The following CKAP5 variants were observed in gnomAD, a reference collection of about 807,000 sequenced individuals.
CKAP5 encodes the protein cytoskeleton-associated protein 5.
Under a neutral mutation model 232.8 loss-of-function variants are expected in CKAP5, and 27 were observed. The ratio of observed to expected loss-of-function variants is 0.12; its 90% CI spans 0.09 to 0.16. CKAP5 has a LOEUF of 0.16. Among genes scored for constraint, CKAP5 ranks in the 10% least tolerant of loss-of-function variants. CKAP5 has a pLI of 1.00. For missense variants in CKAP5, 1,838 were observed against 2,424.7 expected (o/e 0.76, Z 5.08); for synonymous variants, 785 against 841.1 (o/e 0.93, Z 1.16).
At chr11:46,787,902 T>C (rs1253754636) in intron 16 of CKAP5, among the ~76,000 whole-genome samples, 1 of 152,164 alleles carries the variant, frequency 6.6e-6, no homozygotes. Context: ...ACCCCTTTTC[T>C]TACTCTTTCT....
intron 43 of CKAP5, 38 bp from the exon 44 acceptor site, chr11:46,744,303 C>A: frequency 1.2e-6 from 2 of 1,613,340 alleles, no homozygotes; most frequent in South Asian, 2.2e-5. Context: ...AAGGTCAGGT[C>A]AAGCAGGTCA....
chr11:46,766,307 C>T (rs549545228), intron 27 of CKAP5, among the ~76,000 whole-genome samples: 11 of 152,194 alleles, frequency 7.2e-5, no homozygotes, highest in African/African-American at 7.2e-5. Flanking sequence ...GCATTAAGAA[C>T]GGAGTCAAAA....
intron 1 of CKAP5, among the ~76,000 whole-genome samples, chr11:46,844,902 C>T (rs553201435): frequency 4.9e-4 from 74 of 152,324 alleles, no homozygotes; most frequent in Non-Finnish European, 8.8e-4. Context: ...GATCCGCCCG[C>T]CTCGGCCTCC....
intron 35 of CKAP5, among the ~76,000 whole-genome samples, chr11:46,755,470 G>A (rs1260308415): frequency 6.6e-6 from 1 of 151,848 alleles, no homozygotes; most frequent in East Asian, 2.0e-4. Flanking sequence ...GCTTCCCAAA[G>A]TGCTGGGATT....
chr11:46,811,937 T>C (rs1939283072), intron 4 of CKAP5, among the ~76,000 whole-genome samples: 1 of 152,272 alleles, frequency 6.6e-6, no homozygotes, highest in Non-Finnish European at 1.5e-5. Context: ...GGCAATATTT[T>C]GTTCCTGACT....
Position 46,809,723 on chromosome 11 carries a change from G to T in CKAP5, c.763+19C>A. ...TTCTTGCTAATTTTTGCAGAAACCG[G>T]TGTTTAAAATTGGCTTACCTCCTTC... On this transcript the variant is annotated intron_variant, in intron 6 of 43. Transcript: ENST00000529230. 6.2e-7 allele frequency: 1 copy of T among 1,613,448 alleles called. No homozygotes were observed.
chr11:46,793,584 C>A (rs929518163), intron 13 of CKAP5, among the ~76,000 whole-genome samples: 1 of 152,192 alleles, frequency 6.6e-6, no homozygotes, highest in African/African-American at 2.4e-5. Flanking sequence ...AGTGTGTTGC[C>A]ACATTTTATT....
rs1331505385 is a variant in CKAP5, at chr11:46,778,529, CCTT to C, written c.2501_2503del (p.Glu834del). ...GTCATCTGGTTCATCTCCATCTTCT[CCTT>C]CATCTGTACCACTTGTGCTATGCTT... On this transcript the variant is annotated inframe_deletion, in exon 21 of 44. Coordinates refer to ENST00000529230, the MANE Select transcript of CKAP5 (RefSeq NM_001008938.4). The C allele has an allele frequency of 5.0e-6, 8 of 1,614,074 alleles. No individual in the cohort carries two copies. The South Asian group carries it at 6.6e-5, about 13-fold the overall frequency.
chr11:46,764,885 T>TGAATA (rs1469513729), intron 28 of CKAP5, among the ~76,000 whole-genome samples: 3 of 1,518 alleles, frequency 2.0e-3, no homozygotes, highest in African/African-American at 7.6e-3. Context: ...AAAAAAAAAA[T>TGAATA]CAATGAAGAT....
At chr11:46,824,599 A>G in intron 1 of CKAP5, among the ~76,000 whole-genome samples, 1 of 152,200 alleles carries the variant, frequency 6.6e-6, no homozygotes, top group East Asian at 1.9e-4. Context: ...GAATACTAGT[A>G]TGTCTGTAAA....
intron 42 of CKAP5, among the ~76,000 whole-genome samples, chr11:46,749,398 T>C (rs1210409453): frequency 2.2e-5 from 3 of 138,918 alleles, no homozygotes; most frequent in African/African-American, 8.3e-5. Flanking sequence ...GAGGTTGCAG[T>C]GAGCTGAGAT....
chr11:46,774,711 C>G (rs932761407), intron 24 of CKAP5, among the ~76,000 whole-genome samples: 1 of 152,064 alleles, frequency 6.6e-6, no homozygotes, highest in Non-Finnish European at 1.5e-5. Flanking sequence ...TGATCTTTGA[C>G]AAATCTGACA....
chr11:46,827,457 C>G (rs750279560), intron 1 of CKAP5, among the ~76,000 whole-genome samples: 8 of 151,998 alleles, frequency 5.3e-5, no homozygotes, highest in Non-Finnish European at 1.2e-4. Flanking sequence ...AAGTGAGACC[C>G]CATCTCTACA....
At chr11:46,779,596 G>A (rs2065321549) in intron 20 of CKAP5, among the ~76,000 whole-genome samples, 1 of 152,138 alleles carries the variant, frequency 6.6e-6, no homozygotes, top group South Asian at 2.1e-4. Context: ...CTGCACTGGA[G>A]TTTTGACCTG....
intron 38 of CKAP5, among the ~76,000 whole-genome samples, chr11:46,752,191 T>TATATACAC (rs1555160680): frequency 1.4e-5 from 1 of 73,166 alleles, no homozygotes; most frequent in African/African-American, 4.5e-5. Flanking sequence ...TATATATATA[T>TATATACAC]ATACACACAC....
chr11:46,781,519 A>G (rs898973711), intron 18 of CKAP5, among the ~76,000 whole-genome samples: 5 of 152,058 alleles, frequency 3.3e-5, no homozygotes, highest in African/African-American at 9.7e-5. Context: ...TTTATCTCCT[A>G]CCACTTCCTA....
chr11:46,801,748 C>T (rs932005494), intron 8 of CKAP5, among the ~76,000 whole-genome samples: 1 of 151,966 alleles, frequency 6.6e-6, no homozygotes, highest in Non-Finnish European at 1.5e-5. Context: ...AGAAATTCTT[C>T]TTTCATTGTA....
chr11:46,752,043 C>T (rs1465378805), intron 38 of CKAP5, among the ~76,000 whole-genome samples: 2 of 151,224 alleles, frequency 1.3e-5, no homozygotes, highest in Non-Finnish European at 2.9e-5. Flanking sequence ...TTTTGATCCT[C>T]AGAGAATTAG....
intron 24 of CKAP5, among the ~76,000 whole-genome samples, chr11:46,775,954 C>T (rs1173813664): frequency 1.3e-5 from 2 of 151,930 alleles, no homozygotes; most frequent in Non-Finnish European, 2.9e-5. Flanking sequence ...CACATGTATC[C>T]CAGAGCTTAA....
Sources: allele counts gnomAD v4.1 joint callset (sites outside exome capture counted in the v4.1 genomes callset), GRCh38; gene constraint gnomAD v4.1.1; transcripts MANE v1.5; gene names NCBI Gene and HGNC (gene_info 2026-07-23, HGNC 2026-07-21).